FREM2: variants seen among roughly 807,000 people sequenced by gnomAD.
FREM2 encodes the protein FRAS1 related extracellular matrix 2.
In FREM2, 119 loss-of-function variants were observed where a neutral mutation model predicts 219.9. The ratio of observed to expected loss-of-function variants is 0.54; its 90% confidence interval spans 0.47 to 0.63. FREM2 has a LOEUF of 0.63. Among genes scored for constraint, FREM2 ranks in the 30% least tolerant of loss-of-function variants. FREM2 has a pLI of 0.00. For missense variants in FREM2, 4,030 were observed against 3,993.6 expected, an observed-to-expected ratio of 1.01 and a Z score of -0.25; for synonymous variants, 1,562 against 1,522.8, an observed-to-expected ratio of 1.03 and a Z score of -0.60.
At chr13:38,727,471 T>TC (rs1261653351) in intron 2 of FREM2, among the ~76,000 whole-genome samples, 1 of 152,174 alleles carries the variant, frequency 6.6e-6, no homozygotes, top group Non-Finnish European at 1.5e-5. Context: ...AGAGTGAGAC[T>TC]CCATCTCAAA....
chr13:38,852,550 T>A (rs1005290035), intron 11 of FREM2, among the ~76,000 whole-genome samples: 2 of 152,142 alleles, frequency 1.3e-5, no homozygotes, highest in African/African-American at 4.8e-5. Context: ...ACACCAGCAA[T>A]CTAAATCTAA....
At chr13:38,837,785 G>GTTTTTTTTTTTTTTTT (rs1333688816) in intron 6 of FREM2, among the ~76,000 whole-genome samples, 2 of 137,990 alleles carry the variant, frequency 1.4e-5, no homozygotes, top group African/African-American at 5.2e-5. Flanking sequence ...GTTTTGTTTT[G>GTTTTTTTTTTTTTTTT]TTTTGTTTTT....
Position 38,876,281 on chromosome 13 carries a change from C to A in FREM2, c.8443C>A (p.Leu2815Met). 1.2e-5 allele frequency: 19 copies of A among 1,614,054 alleles called. No homozygotes were observed. The highest frequency in any genetic ancestry group is 1.4e-5 in the Non-Finnish European group (16 of 1,179,962). ...CTACTCAGGGACCTATACTGTGAAGCTGGTGCCATGCACTGCCCCATCACA... is the reference window on the plus strand; with the variant it reads ...CTACTCAGGGACCTATACTGTGAAGATGGTGCCATGCACTGCCCCATCACA... ...RDYSGTYTVK[L>M]VPCTAPSHQE... is the part of the protein sequence containing the mutation. The change falls in exon 20 of 24, where the codon CTG becomes ATG. Residue 2815 changes from leucine (L) to methionine (M), a missense_variant. Transcript: ENST00000280481.
intron 6 of FREM2, among the ~76,000 whole-genome samples, chr13:38,844,236 A>G (rs1462387247): frequency 6.6e-6 from 1 of 151,956 alleles, no homozygotes; most frequent in Non-Finnish European, 1.5e-5. Context: ...TATCCCTTTT[A>G]TTTTTATAAC....
At chr13:38,854,864 G>C (rs1593447524) in intron 11 of FREM2, among the ~76,000 whole-genome samples, 1 of 152,112 alleles carries the variant, frequency 6.6e-6, no homozygotes, top group East Asian at 1.9e-4. Context: ...TCTTCTTCCA[G>C]ACTCTAAAGG....
intron 6 of FREM2, among the ~76,000 whole-genome samples, chr13:38,818,403 A>G (rs1300883810): frequency 6.6e-6 from 1 of 152,120 alleles, no homozygotes; most frequent in Non-Finnish European, 1.5e-5. Context: ...AACCTGGAGG[A>G]CACCATGTTA....
intron 16 of FREM2, 69 bp downstream of exon 16, chr13:38,864,675 G>A: frequency 1.4e-6 from 2 of 1,383,028 alleles, no homozygotes; most frequent in Non-Finnish European, 1.0e-6. Flanking sequence ...ACATAGATTT[G>A]TACTAAGTCC....
Position 38,886,402 on chromosome 13 carries a change from AT to A in FREM2, c.*5627del, listed in dbSNP as rs5802961. ...TATATATATAGAGAGAGAGAGATAG[AT>A]TTTTTTTTTTTGAGACAGAGTTTCG... On this transcript the variant is annotated 3_prime_UTR_variant, in exon 24 of 24. Transcript: ENST00000280481. The A allele has an allele frequency of 0.73, 109,079 of 148,830 alleles. 40,182 individuals are homozygous for A. The highest frequency in any genetic ancestry group is 0.82 in the African/African-American group (33,124 of 40,430). 9.2% of individuals were successfully genotyped at this position (148,830 alleles called of 1,614,324 possible).
intron 6 of FREM2, among the ~76,000 whole-genome samples, chr13:38,795,971 A>G (rs182935831): frequency 6.6e-6 from 1 of 152,022 alleles, no homozygotes. Context: ...TGTATACACG[A>G]TAGTTTTCTT....
At position 38,714,667 on chromosome 13, in the gene FREM2, A is replaced by AATAT. The variant is rs1478506355; in HGVS notation, c.5263+16884_5263+16887dup. 2.0e-5 allele frequency among the ~76,000 whole-genome samples: 3 copies of AATAT among 152,218 alleles called. No homozygotes were observed. In the East Asian group the frequency reaches 5.8e-4, roughly 29 times the overall value. ...AATCAGCTAGATTTGATTATTCCAC[A>AATAT]ATATATACATACTTCAACGTATACA... On this transcript the variant is annotated intron_variant, in intron 2 of 23. Transcript: ENST00000280481.
chr13:38,689,166 G>C lies in FREM2; in HGVS notation c.1822G>C (p.Gly608Arg). 1.9e-6 allele frequency: 3 copies of C among 1,613,924 alleles called. No individual in the cohort carries two copies. Among genetic ancestry groups the C allele is most frequent in the Non-Finnish European group, 2.5e-6 (3 of 1,180,002 alleles). Residue 608 changes from glycine (G) to arginine (R), a missense_variant, in exon 1 of 24, where the codon GGG becomes CGG. Physicochemically the swap from Gly to Arg is moderately radical, Grantham distance 125 (BLOSUM62 -2). Coordinates refer to ENST00000280481, the MANE Select transcript of FREM2 (RefSeq NM_207361.6). ...FVLESPFLTT[G>R]HLLLRQTHPP... Reference sequence around the variant, plus strand: ...GCTGGAGTCACCCTTCTTAACTACGGGGCATCTGCTTCTCCGCCAAACTCA... The same window carrying C: ...GCTGGAGTCACCCTTCTTAACTACGCGGCATCTGCTTCTCCGCCAAACTCA...
chr13:38,732,620 C>A (rs1302442943), intron 2 of FREM2, among the ~76,000 whole-genome samples: 2 of 152,126 alleles, frequency 1.3e-5, no homozygotes, highest in East Asian at 3.9e-4. Context: ...GGTTGAAATT[C>A]CACTGCTTAC....
rs1025022507 is a variant in FREM2 at position 38,880,581 on chromosome 13, C to T, written c.9304C>T (p.Leu3102Phe). ...APPDGILPWE[L>F]NSPSSAVSLV... ...TCCAGATGGCATCCTCCCCTGGGAG[C>T]TCAACAGCCCCAGCTCTGCAGTCAG... Residue 3102 changes from leucine (L) to phenylalanine (F), a missense_variant, in exon 24 of 24, where the codon CTC becomes TTC. By Grantham distance (22) the Leu-to-Phe change is conservative. Transcript: ENST00000280481. The T allele has an allele frequency of 6.2e-7, 1 of 1,613,988 alleles. No individual in the cohort carries two copies. The highest frequency in any genetic ancestry group is 1.3e-5 in the African/African-American group (1 of 74,950).
chr13:38,716,535 CAG>C (rs1871009160), intron 2 of FREM2, among the ~76,000 whole-genome samples: 1 of 151,812 alleles, frequency 6.6e-6, no homozygotes, highest in South Asian at 2.1e-4. Context: ...CTTTTGGAGA[CAG>C]AGTCTTGCTC....
chr13:38,846,372 G>A (rs1368765474), intron 6 of FREM2, among the ~76,000 whole-genome samples: 2 of 152,096 alleles, frequency 1.3e-5, no homozygotes, highest in African/African-American at 4.8e-5. Context: ...GCACTTTACT[G>A]TGTGTATGTT....
intron 2 of FREM2, among the ~76,000 whole-genome samples, chr13:38,722,413 G>A (rs1871317071): frequency 6.6e-6 from 1 of 151,866 alleles, no homozygotes. Context: ...TTAATTTGCA[G>A]GCAAGACTGA....
chr13:38,837,128 C>T (rs1480586188), intron 6 of FREM2, among the ~76,000 whole-genome samples: 1 of 152,174 alleles, frequency 6.6e-6, no homozygotes, highest in Non-Finnish European at 1.5e-5. Context: ...CCCATAGATT[C>T]TGGTACATTG....
At chr13:38,692,589 C>G in intron 1 of FREM2, 72 bp downstream of exon 1, 1 of 1,525,402 alleles carries the variant, frequency 6.6e-7, no homozygotes, top group Non-Finnish European at 9.0e-7. Flanking sequence ...GCCTCACAAA[C>G]AGAGCATTAA....
At position 38,814,692 on chromosome 13, in the gene FREM2, G is replaced by C. The variant is rs546947346; in HGVS notation, c.6019+29884G>C. On this transcript the variant is annotated intron_variant, in intron 6 of 23. Coordinates refer to ENST00000280481, the MANE Select transcript of FREM2 (RefSeq NM_207361.6). Reference sequence around the variant, plus strand: ...GGCCCCAAATGTGTCCAGGGATGCTGTCTGGGAGCCAGGGATTAGAATCAA... The same window carrying C: ...GGCCCCAAATGTGTCCAGGGATGCTCTCTGGGAGCCAGGGATTAGAATCAA... 1.4e-4 allele frequency among the ~76,000 whole-genome samples: 21 copies of C among 152,276 alleles called. No homozygotes were observed. In the South Asian group the frequency reaches 3.9e-3, roughly 29 times the overall value.
Sources: gnomAD v4.1 joint callset for allele counts (sites outside exome capture counted in the v4.1 genomes callset) on GRCh38, gnomAD v4.1.1 for gene constraint, MANE v1.5 for transcripts, NCBI Gene and HGNC (gene_info 2026-07-23, HGNC 2026-07-21) for gene names.